The following MACROD2 variants were observed in gnomAD, a reference collection of about 807,000 sequenced individuals.
The protein encoded by MACROD2 is mono-ADP ribosylhydrolase 2, also known as ADP-ribose glycohydrolase MACROD2.
MACROD2 carries 36 observed loss-of-function variants against 70.4 expected under a neutral mutation model. The observed-to-expected ratio is 0.51, with a 90% CI of 0.39 to 0.68. The LOEUF (loss-of-function observed/expected upper bound fraction) is 0.68. Among genes scored for constraint, MACROD2 ranks in the 30% least tolerant of loss-of-function variants. The probability of loss-of-function intolerance (pLI) is 0.00; values close to 1 mark genes in which losing one functional copy is unlikely to be tolerated. For missense variants in MACROD2, 496 were observed against 538.4 expected (o/e 0.92, Z 0.78); for synonymous variants, 172 against 178.8 (o/e 0.96, Z 0.30).
chr20:15,187,783 C>T (rs1290964611), intron 5 of MACROD2, among the ~76,000 whole-genome samples: 1 of 152,096 alleles, frequency 6.6e-6, no homozygotes, highest in Admixed American at 6.5e-5. Flanking sequence ...AATCTCCAAG[C>T]CTGCTATTTG....
chr20:14,304,792 T>C (rs1022315140), intron 3 of MACROD2, among the ~76,000 whole-genome samples: 3 of 151,434 alleles, frequency 2.0e-5, no homozygotes, highest in Middle Eastern at 3.4e-3. Flanking sequence ...TTTTGGTCTG[T>C]ATAAAATAAG....
At chr20:14,071,353 C>T (rs1408455359) in intron 2 of MACROD2, among the ~76,000 whole-genome samples, 3 of 148,766 alleles carry the variant, frequency 2.0e-5, no homozygotes, top group Admixed American at 6.8e-5. Context: ...CTCCGCCTCC[C>T]GGGTGCATGC....
intron 5 of MACROD2, among the ~76,000 whole-genome samples, chr20:15,033,247 A>G (rs2075288942): frequency 1.3e-5 from 2 of 152,234 alleles, no homozygotes; most frequent in East Asian, 1.9e-4. Flanking sequence ...TTTTACCACA[A>G]TTAAAAATGC....
intron 6 of MACROD2, among the ~76,000 whole-genome samples, chr20:15,424,862 C>G (rs1475990270): frequency 6.6e-6 from 1 of 152,238 alleles, no homozygotes. Context: ...TGTGATGAAG[C>G]TTCTCTGCCT....
At chr20:15,944,761 A>G (rs1004716387) in intron 12 of MACROD2, among the ~76,000 whole-genome samples, 1 of 152,186 alleles carries the variant, frequency 6.6e-6, no homozygotes, top group Admixed American at 6.5e-5. Context: ...TTTATTGTAT[A>G]AAATTCAAAT....
intron 3 of MACROD2, among the ~76,000 whole-genome samples, chr20:14,247,150 A>C (rs1282754079): frequency 2.0e-5 from 3 of 152,178 alleles, no homozygotes; most frequent in African/African-American, 4.8e-5. Flanking sequence ...ATAAGTGTAT[A>C]TAAATATATA....
chr20:14,822,645 C>T (rs140292910), intron 5 of MACROD2, among the ~76,000 whole-genome samples: 57 of 152,176 alleles, frequency 3.7e-4, no homozygotes, highest in Middle Eastern at 3.4e-3. Context: ...AAAATATAAT[C>T]TTTCACCATG....
intron 8 of MACROD2, among the ~76,000 whole-genome samples, chr20:15,759,145 CA>C (rs57212358): frequency 1.7e-3 from 103 of 58,922 alleles, no homozygotes; most frequent in Admixed American, 3.8e-3. Flanking sequence ...GACTCCATCT[CA>C]AAAAAAAAAA....
At chr20:14,099,602 T>C (rs905973274) in intron 3 of MACROD2, among the ~76,000 whole-genome samples, 11 of 152,186 alleles carry the variant, frequency 7.2e-5, no homozygotes, top group African/African-American at 2.4e-4. Flanking sequence ...TTAAGTAGTT[T>C]CTAGTCTGGG....
intron 8 of MACROD2, among the ~76,000 whole-genome samples, chr20:15,534,034 T>G (rs1288927736): frequency 2.0e-5 from 3 of 152,182 alleles, no homozygotes; most frequent in African/African-American, 7.2e-5. Flanking sequence ...ACCCTGAGGC[T>G]AAAAAGCATT....
intron 5 of MACROD2, among the ~76,000 whole-genome samples, chr20:15,208,837 G>T (rs1232819979): frequency 2.0e-5 from 3 of 152,142 alleles, no homozygotes; most frequent in Admixed American, 6.5e-5. Flanking sequence ...TTCCTATGTG[G>T]TCTGCTCTGA....
chr20:15,189,163 T>A (rs1325267691), intron 5 of MACROD2, among the ~76,000 whole-genome samples: 15 of 151,942 alleles, frequency 9.9e-5, no homozygotes, highest in Admixed American at 9.2e-4. Flanking sequence ...AAGGTAATAA[T>A]GAAAGCACCT....
chr20:14,271,965 A>G (rs1245866056), intron 3 of MACROD2, among the ~76,000 whole-genome samples: 6 of 152,146 alleles, frequency 3.9e-5, no homozygotes, highest in Non-Finnish European at 7.4e-5. Flanking sequence ...AAAGAAACGA[A>G]CAAAGCCTCC....
chr20:14,398,370 G>A (rs1245301687), intron 3 of MACROD2, among the ~76,000 whole-genome samples: 1 of 149,120 alleles, frequency 6.7e-6, no homozygotes, highest in Non-Finnish European at 1.5e-5. Flanking sequence ...CACCAACAGT[G>A]TGTAGGAGTT....
chr20:15,225,414 A>G (rs913268495), intron 5 of MACROD2, among the ~76,000 whole-genome samples: 1 of 152,200 alleles, frequency 6.6e-6, no homozygotes, highest in South Asian at 2.1e-4. Flanking sequence ...TATTCACATA[A>G]CTTGAACATC....
intron 4 of MACROD2, among the ~76,000 whole-genome samples, chr20:14,498,935 T>C (rs1236222070): frequency 6.6e-6 from 1 of 152,238 alleles, no homozygotes; most frequent in Non-Finnish European, 1.5e-5. Flanking sequence ...GCTTCAGGCA[T>C]GCTGGGAGGA....
Position 14,002,387 on chromosome 20 carries a change from G to T in MACROD2, c.146G>T (p.Gly49Val). 1 of 1,598,930 alleles carries T rather than the reference G, an allele frequency of 6.3e-7. No individual in the cohort carries two copies. Among genetic ancestry groups the T allele is most frequent in the Non-Finnish European group, 8.5e-7 (1 of 1,173,150 alleles). The change falls in exon 2 of 18, where the codon GGC (glycine) becomes GTC (valine). Residue 49 changes from glycine to valine, a missense_variant. Coordinates refer to ENST00000684519, the MANE Select transcript of MACROD2 (RefSeq NM_001351661.2). ...CTATCATGGAAGGAGGAGATGAAGG[G>T]CAAGGGCCAAAATGATGGTAAGTTT... is the stretch of plus-strand genomic sequence containing the variant. ...SILSWKEEMK[G>V]KGQNDEENTQ...
chr20:15,230,460 C>T (rs991202331), intron 6 of MACROD2, among the ~76,000 whole-genome samples: 1 of 152,086 alleles, frequency 6.6e-6, no homozygotes, highest in African/African-American at 2.4e-5. Flanking sequence ...ATTCTGGAGC[C>T]ATGTTTAATC....
intron 12 of MACROD2, among the ~76,000 whole-genome samples, chr20:15,959,855 T>TAAAA (rs11475715): frequency 1.3e-5 from 2 of 150,696 alleles, no homozygotes; most frequent in Admixed American, 1.3e-4. Context: ...GTACTATTTG[T>TAAAA]AAAAAAAAAC....
Sources: gnomAD v4.1 joint callset for allele counts (sites outside exome capture counted in the v4.1 genomes callset) on GRCh38, gnomAD v4.1.1 for gene constraint, MANE v1.5 for transcripts, NCBI Gene and HGNC (gene_info 2026-07-23, HGNC 2026-07-21) for gene names.